MOB2: variants seen among roughly 807,000 people sequenced by gnomAD.
MOB2 encodes the protein MOB2 Mps One Binder homolog.
A neutral mutation model predicts 27.4 loss-of-function variants in MOB2; 14 were observed. That is an observed-to-expected ratio of 0.51 (90% CI 0.34 to 0.80). The LOEUF (loss-of-function observed/expected upper bound fraction) is 0.80. Among genes scored for constraint, MOB2 ranks in the 30% least tolerant of loss-of-function variants. The probability of loss-of-function intolerance (pLI) is 0.01; values close to 1 mark genes in which losing one functional copy is unlikely to be tolerated. For missense variants in MOB2, 304 were observed against 354.6 expected (o/e 0.86, Z 1.15); for synonymous variants, 167 against 151.8 (o/e 1.10, Z -0.74).
At chr11:1,481,574 G>A (rs892922557) in intron 1 of MOB2, 2 of 152,536 alleles carry the variant, frequency 1.3e-5, no homozygotes, top group African/African-American at 4.8e-5. Context: ...GAAAGAGAAA[G>A]GAAAAATGCT....
chr11:1,472,451 G>A (rs1847804547), intron 3 of MOB2: 1 of 152,568 alleles, frequency 6.6e-6, no homozygotes, highest in African/African-American at 2.4e-5. Flanking sequence ...ACAGCACAGA[G>A]CAGTACTGGC....
At chr11:1,471,499 C>A in intron 3 of MOB2, 80 bp from the exon 4 acceptor site, 1 of 1,533,054 alleles carries the variant, frequency 6.5e-7, no homozygotes, top group South Asian at 1.3e-5. Flanking sequence ...CTCAGGTCAT[C>A]TGCGGGCAGA....
chr11:1,471,339 A>C lies in MOB2; in HGVS notation c.446T>G (p.Val149Gly), dbSNP rs1847787753. 6.2e-7 allele frequency: 1 copy of C among 1,613,464 alleles called. No homozygotes were observed. The highest frequency in any genetic ancestry group is 1.7e-5 in the Admixed American group (1 of 59,996). ...PQYVDFVMSS[V>G]QKLVTDEDVF... Reference sequence around the variant, plus strand: ...GTCCTCATCCGTCACCAGCTTCTGCACGGAGCTCATGACGAAGTCAACGTA... The same window carrying C: ...GTCCTCATCCGTCACCAGCTTCTGCCCGGAGCTCATGACGAAGTCAACGTA... Residue 149 changes from valine (V) to glycine (G), a missense_variant, in exon 4 of 5, where the codon GTG becomes GGG. Val to Gly is a moderately radical substitution (Grantham distance 109, BLOSUM62 -3). Coordinates refer to ENST00000329957, the MANE Select transcript of MOB2 (RefSeq NM_001172223.3).
intron 3 of MOB2, among the ~76,000 whole-genome samples, chr11:1,477,315 G>C (rs1054134963): frequency 6.6e-6 from 1 of 152,008 alleles, no homozygotes; most frequent in African/African-American, 2.4e-5. Context: ...TTCCTTCCTC[G>C]GAGTCTCCTT....
intron 1 of MOB2, among the ~76,000 whole-genome samples, chr11:1,485,871 T>C (rs973795718): frequency 6.6e-6 from 1 of 151,810 alleles, no homozygotes; most frequent in Non-Finnish European, 1.5e-5. Flanking sequence ...GTGAGAAAAA[T>C]GTCAAAAATG....
At chr11:1,476,609 C>T (rs1017716405) in intron 3 of MOB2, among the ~76,000 whole-genome samples, 5 of 152,208 alleles carry the variant, frequency 3.3e-5, no homozygotes, top group African/African-American at 2.4e-5. Context: ...AAATCAATCT[C>T]AGTGCTTTCT....
chr11:1,470,493 G>A lies in MOB2; in HGVS notation c.491-5C>T. Reference sequence around the variant, plus strand: ...AGGAGCTGGGGAATTCTCTGCCTGGGGAAGGCCACCGTGTCACAAGCTGCA... The same window carrying A: ...AGGAGCTGGGGAATTCTCTGCCTGGAGAAGGCCACCGTGTCACAAGCTGCA... On this transcript the variant is annotated splice_region_variant and splice_polypyrimidine_tract_variant and intron_variant, in intron 4 of 4. Coordinates refer to ENST00000329957, the MANE Select transcript of MOB2 (RefSeq NM_001172223.3). 1 of 1,609,400 alleles carries A rather than the reference G, an allele frequency of 6.2e-7. No homozygotes were observed. The highest frequency in any genetic ancestry group is 8.5e-7 in the Non-Finnish European group (1 of 1,177,134).
At position 1,486,534 on chromosome 11, in the gene MOB2, A is replaced by C; in HGVS notation, c.23T>G (p.Leu8Arg). Residue 8 changes from leucine (L) to arginine (R), a missense_variant, in exon 1 of 5, where the codon CTC (leucine) becomes CGC (arginine). By Grantham distance (102) the Leu-to-Arg change is moderately radical. Transcript: ENST00000329957. MLGDHCS[L>R]PEDQARPGQS... is the part of the protein sequence containing the mutation. ...GCCGGGCCGGGCTTGGTCTTCAGGGAGACTGCAGTGGTCTCCCAGCATGAG... is the reference window on the plus strand; with the variant it reads ...GCCGGGCCGGGCTTGGTCTTCAGGGCGACTGCAGTGGTCTCCCAGCATGAG... 6.5e-7 allele frequency: 1 copy of C among 1,535,622 alleles called. No homozygotes were observed. Among genetic ancestry groups the C allele is most frequent in the Non-Finnish European group, 8.7e-7 (1 of 1,146,668 alleles).
chr11:1,474,464 T>C (rs1164597475), intron 3 of MOB2, among the ~76,000 whole-genome samples: 1 of 152,262 alleles, frequency 6.6e-6, no homozygotes, highest in East Asian at 1.9e-4. Context: ...CCAAAAGCTT[T>C]GGAGTTTTAG....
chr11:1,478,429 G>A (rs1847875553), intron 3 of MOB2, among the ~76,000 whole-genome samples: 1 of 152,244 alleles, frequency 6.6e-6, no homozygotes, highest in Non-Finnish European at 1.5e-5. Flanking sequence ...GACACTGACT[G>A]GATGTGGAAT....
chr11:1,481,743 GAGGGGCAGGGGC>G (rs796434221), intron 1 of MOB2, among the ~76,000 whole-genome samples: 2 of 87,574 alleles, frequency 2.3e-5, no homozygotes, highest in African/African-American at 7.8e-5. Flanking sequence ...CAGGGGCAGG[GAGGGGCAGGGGC>G]AGGGGCAGGG....
At position 1,475,361 on chromosome 11, in the gene MOB2, G is replaced by A. The variant is rs79442806; in HGVS notation, c.366-3942C>T. Among the ~76,000 whole-genome samples, 157 of 152,166 alleles carry A rather than the reference G, an allele frequency of 1.0e-3. 3 individuals are homozygous for A. The East Asian group carries it at 0.025, about 24-fold the overall frequency. The stretch of plus-strand genomic sequence containing the variant: ...ATACAGCAATCCCCCCCATCCACAG[G>A]GGATGCACTGCAAGACCCCCAGGGG... On this transcript the variant is annotated intron_variant, in intron 3 of 4. Transcript: ENST00000329957.
In MOB2 at chr11:1,470,246, C is replaced by T. The variant is rs984227396; in HGVS notation, c.733G>A (p.Val245Ile). Residue 245 changes from valine (V) to isoleucine (I), a missense_variant, in exon 5 of 5, where the codon GTC becomes ATC. Physicochemically the swap from Val to Ile is conservative, Grantham distance 29 (BLOSUM62 3). Coordinates refer to ENST00000329957, the MANE Select transcript of MOB2 (RefSeq NM_001172223.3). ...CCATCCCCACTGCCCCCACTGTGGA[C>T]CCCGCCGGCCCCGCTGCATAGCACC... ...TEVLCSGAGGVHSGGSGDGAG... is the reference protein window; with the variant it reads ...TEVLCSGAGGIHSGGSGDGAG... 1 of 1,612,588 alleles carries T rather than the reference C, an allele frequency of 6.2e-7. No individual in the cohort carries two copies. The highest frequency in any genetic ancestry group is 8.5e-7 in the Non-Finnish European group (1 of 1,179,846).
At chr11:1,485,214 G>T (rs796720240) in intron 1 of MOB2, among the ~76,000 whole-genome samples, 37 of 152,320 alleles carry the variant, frequency 2.4e-4, no homozygotes, top group African/African-American at 8.7e-4. Flanking sequence ...TTAGGGCCTG[G>T]CTGGGCTCCA....
chr11:1,474,074 C>G (rs1012173155), intron 3 of MOB2, among the ~76,000 whole-genome samples: 1 of 152,256 alleles, frequency 6.6e-6, no homozygotes, highest in Non-Finnish European at 1.5e-5. Flanking sequence ...AACAGAGTCC[C>G]AGGTGGCCAC....
At chr11:1,484,710 C>T (rs1173480033) in intron 1 of MOB2, among the ~76,000 whole-genome samples, 1 of 152,130 alleles carries the variant, frequency 6.6e-6, no homozygotes, top group African/African-American at 2.4e-5. Context: ...CTGAAAACTG[C>T]ATTTCTAACA....
rs776990039 is a variant in MOB2, at chr11:1,480,397, T to C, written c.361A>G (p.Asn121Asp). 6.2e-7 allele frequency: 1 copy of C among 1,613,538 alleles called. No individual in the cohort carries two copies. Among genetic ancestry groups the C allele is most frequent in the Non-Finnish European group, 8.5e-7 (1 of 1,179,800 alleles). The change falls in exon 3 of 5, where the codon AAC becomes GAC. Residue 121 changes from asparagine (N) to aspartate (D), a missense_variant. By Grantham distance (23) the Asn-to-Asp change is conservative. Coordinates refer to ENST00000329957, the MANE Select transcript of MOB2 (RefSeq NM_001172223.3). ...CTGTAGCCAGGCAGCACTCACGTGT[T>C]GCACACGGCCATCGTCTGACACGTC... is the stretch of plus-strand genomic sequence containing the variant. ...GETCQTMAVC[N>D]TQYYWYDERG... is the part of the protein sequence containing the mutation.
intron 1 of MOB2, among the ~76,000 whole-genome samples, chr11:1,485,889 C>T (rs1427649420): frequency 3.3e-5 from 5 of 152,216 alleles, no homozygotes; most frequent in African/African-American, 1.2e-4. Context: ...ATGGATTTTC[C>T]GGCAACATCC....
In MOB2 at chr11:1,480,709, C is replaced by T; in HGVS notation, c.271+16G>A. On this transcript the variant is annotated intron_variant, in intron 2 of 4. Coordinates refer to ENST00000329957, the MANE Select transcript of MOB2 (RefSeq NM_001172223.3). ...CAGGGAGGAGGGAGGGGGCCCGCCC[C>T]CAGGCCCCCGCGCACTGTTGCTGGC... 6.3e-7 allele frequency: 1 copy of T among 1,598,728 alleles called. No individual in the cohort carries two copies. Among genetic ancestry groups the T allele is most frequent in the Non-Finnish European group, 8.5e-7 (1 of 1,173,332 alleles).
Sources: gnomAD v4.1 joint callset for allele counts (sites outside exome capture counted in the v4.1 genomes callset) on GRCh38, gnomAD v4.1.1 for gene constraint, MANE v1.5 for transcripts, NCBI Gene and HGNC (gene_info 2026-07-23, HGNC 2026-07-21) for gene names.